The following HDLBP variants were observed in gnomAD, a reference collection of about 807,000 sequenced individuals.
The protein encoded by HDLBP is vigilin.
In HDLBP, 30 loss-of-function variants were observed where a neutral mutation model predicts 137.3. That is an observed-to-expected ratio of 0.22 (90% confidence interval 0.16 to 0.30). The LOEUF (loss-of-function observed/expected upper bound fraction) is 0.30, where lower values mean the gene tolerates loss of function less well. Ranked by LOEUF, HDLBP falls within the 10% of genes least tolerant of loss-of-function variation. HDLBP has a pLI of 1.00. For synonymous variants in HDLBP, 606 were observed against 596.0 expected (o/e 1.02, Z -0.24); for missense variants, 1,119 against 1,667.3 (o/e 0.67, Z 5.73).
chr2:241,279,849 A>C lies in HDLBP; in HGVS notation c.-102-11308T>G, dbSNP rs568854077. 1.2e-5 allele frequency: 11 copies of C among 948,566 alleles called. No homozygotes were observed. The South Asian group carries it at 4.9e-4, about 42-fold the overall frequency. The allele number at this position is 948,566 out of a possible 1,614,324, so 58.8% of individuals were successfully genotyped here. A position where few individuals can be genotyped will look rare whatever the true frequency, so the allele number is the denominator to read the frequency against. ...CACTGCACTGCTAGTAATAGTCAAC[A>C]AATTTTTAAGAACCTAATTGTCAGT... is the stretch of plus-strand genomic sequence containing the variant. On this transcript the variant is annotated intron_variant, in intron 1 of 27. Transcript: ENST00000310931.
chr2:241,269,705 A>G (rs2073919360), intron 1 of HDLBP: 1 of 152,214 alleles, frequency 6.6e-6, no homozygotes, highest in Non-Finnish European at 1.5e-5. Context: ...CAAGTTTTAA[A>G]GATTAAAGTA....
chr2:241,227,852 TAG>T lies in HDLBP; in HGVS notation c.*1747_*1748del, dbSNP rs1243871826. 6.6e-6 allele frequency: 1 copy of T among 151,788 alleles called. No homozygotes were observed. The highest frequency in any genetic ancestry group is 1.5e-5 in the Non-Finnish European group (1 of 67,958). The allele number at this position is 151,788 out of a possible 1,614,324, so 9.4% of individuals were successfully genotyped here. A position where few individuals can be genotyped will look rare whatever the true frequency, so the allele number is the denominator to read the frequency against. On this transcript the variant is annotated 3_prime_UTR_variant, in exon 28 of 28. Transcript: ENST00000310931. ...ACTGGCCTCCCCCGTGGAGGTGGAG[TAG>T]ACAGATCCCGGGAAAGGCAGGAAAA...
chr2:241,306,417 G>A (rs1488765272), intron 1 of HDLBP, among the ~76,000 whole-genome samples: 4 of 151,850 alleles, frequency 2.6e-5, no homozygotes, highest in Admixed American at 1.3e-4. Context: ...GAGCCACCAC[G>A]CCCGGCTAGT....
Position 241,262,782 on chromosome 2 carries a change from T to G in HDLBP, c.379A>C (p.Ile127Leu). 6.2e-7 allele frequency: 1 copy of G among 1,614,200 alleles called. No homozygotes were observed. The highest frequency in any genetic ancestry group is 8.5e-7 in the Non-Finnish European group (1 of 1,180,032). Reference protein sequence around the residue: ...LSLAKDQGLSIMVSGKLDAVM... With the variant: ...LSLAKDQGLSLMVSGKLDAVM... ...GCATCCAGCTTTCCTGACACCATGA[T>G]GGAGAGGCCTTGGTCTTTGGCCAAA... Residue 127 changes from isoleucine to leucine, a missense_variant, in exon 5 of 28, where the codon ATC (isoleucine) becomes CTC (leucine). Transcript: ENST00000310931.
chr2:241,308,372 A>C (rs2075649190), intron 1 of HDLBP, among the ~76,000 whole-genome samples: 1 of 152,236 alleles, frequency 6.6e-6, no homozygotes, highest in African/African-American at 2.4e-5. Context: ...GTGAAACTCA[A>C]GTTGTATGCC....
chr2:241,288,146 G>A (rs1316641000), intron 1 of HDLBP, among the ~76,000 whole-genome samples: 1 of 152,190 alleles, frequency 6.6e-6, no homozygotes, highest in Admixed American at 6.5e-5. Flanking sequence ...AGTATCACCA[G>A]GTACTACAAA....
intron 1 of HDLBP, among the ~76,000 whole-genome samples, chr2:241,305,838 CAA>C (rs1575057957): frequency 1.3e-5 from 2 of 150,592 alleles, no homozygotes; most frequent in Admixed American, 1.3e-4. Context: ...CGGCTCACTG[CAA>C]AGTTCCGCCT....
rs998870383 is a variant in HDLBP at position 241,248,539 on chromosome 2, C to G, written c.1513-191G>C. ...GTGTGCACAGCGCATAATGAGTGCT[C>G]TCACCAAGCATCGCTACACTCCGCA... On this transcript the variant is annotated intron_variant, in intron 12 of 27. Transcript: ENST00000310931. Among the ~76,000 whole-genome samples the G allele has an allele frequency of 3.9e-5, 6 of 152,116 alleles. No homozygotes were observed. In the South Asian group the frequency reaches 1.2e-3, roughly 31 times the overall value.
At chr2:241,263,583 G>A (rs548081727) in intron 4 of HDLBP, among the ~76,000 whole-genome samples, 1 of 152,214 alleles carries the variant, frequency 6.6e-6, no homozygotes, top group Admixed American at 6.5e-5. Flanking sequence ...ATAGCAGACA[G>A]GTGAAAATGG....
At chr2:241,275,929 T>G (rs1019960883) in intron 1 of HDLBP, among the ~76,000 whole-genome samples, 2 of 151,870 alleles carry the variant, frequency 1.3e-5, no homozygotes, top group African/African-American at 2.4e-5. Context: ...AGCAAGAAAA[T>G]GAAAGCCAGA....
intron 1 of HDLBP, among the ~76,000 whole-genome samples, chr2:241,305,536 T>A (rs994623291): frequency 6.6e-6 from 1 of 152,162 alleles, no homozygotes; most frequent in African/African-American, 2.4e-5. Context: ...TGCTGACATT[T>A]TGAGTCGAAT....
At chr2:241,249,737 G>T (rs962745654) in intron 12 of HDLBP, 104 bp downstream of exon 12, 1 of 1,167,302 alleles carries the variant, frequency 8.6e-7, no homozygotes, top group Non-Finnish European at 1.2e-6. Flanking sequence ...GGGATTTGTC[G>T]ACTTCCATTC....
intron 12 of HDLBP, chr2:241,249,474 T>C (rs2071945551): frequency 2.0e-6 from 1 of 490,894 alleles, no homozygotes; most frequent in Non-Finnish European, 4.1e-6. Context: ...AGGTTTGCAG[T>C]GATCCTCGAG....
intron 9 of HDLBP, among the ~76,000 whole-genome samples, chr2:241,254,573 C>T (rs1487149471): frequency 6.6e-6 from 1 of 151,924 alleles, no homozygotes; most frequent in Non-Finnish European, 1.5e-5. Flanking sequence ...CAAGCTCCAC[C>T]TCCCGGGTTC....
intron 5 of HDLBP, among the ~76,000 whole-genome samples, chr2:241,260,285 C>T (rs1433712782): frequency 3.3e-5 from 5 of 152,166 alleles, no homozygotes; most frequent in African/African-American, 9.7e-5. Flanking sequence ...GGATTATAGG[C>T]GTGAGCCACT....
Position 241,264,461 on chromosome 2 carries a change from G to A in HDLBP, c.221C>T (p.Ser74Phe). ...WGNKIRPIKA[S>F]VITQVFHVPL... ...TGGTGTTTCTACCTGAGTGATGACA[G>A]AAGCCTTGATGGGTCGGATCTTGTT... is the stretch of plus-strand genomic sequence containing the variant. The change falls in exon 4 of 28, where the codon TCT becomes TTT. Residue 74 changes from serine to phenylalanine, a missense_variant. Around this residue, in one of 4 missense-constraint regions of HDLBP, gnomAD observed 59 missense variants for 92.4 expected, o/e 0.64. Transcript: ENST00000310931. 1 of 1,611,560 alleles carries A rather than the reference G, an allele frequency of 6.2e-7. No individual in the cohort carries two copies.
In HDLBP at chr2:241,229,952, C is replaced by T. The variant is rs766531306; in HGVS notation, c.3601G>A (p.Val1201Met). Residue 1201 changes from valine (V) to methionine (M), a missense_variant, in exon 27 of 28, where the codon GTG becomes ATG. This residue lies in a region of HDLBP where 618 missense variants were observed against 816.7 expected (regional missense o/e 0.76). Transcript: ENST00000310931. ...ACCTGCAGCGCCTCACTGTCCACCA[C>T]GTCAGCTAGCTGCAGGCAGAAGACA... Reference protein sequence around the residue: ...LNLEEEYLADVVDSEALQVYM... With the variant: ...LNLEEEYLADMVDSEALQVYM... 31 of 1,598,968 alleles carry T rather than the reference C, an allele frequency of 1.9e-5. No homozygotes were observed. The highest frequency in any genetic ancestry group is 2.7e-5 in the African/African-American group (2 of 74,658).
intron 1 of HDLBP, chr2:241,270,903 G>A (rs1057432305): frequency 1.2e-6 from 1 of 867,918 alleles, no homozygotes; most frequent in East Asian, 1.2e-4. Context: ...ATTCTCACTG[G>A]ATCTAACAGT....
At chr2:241,296,531 T>C (rs535947229) in intron 1 of HDLBP, among the ~76,000 whole-genome samples, 2 of 152,316 alleles carry the variant, frequency 1.3e-5, no homozygotes, top group Admixed American at 6.5e-5. Flanking sequence ...AGAACACTAA[T>C]ATAGAAGTCA....
Sources: allele counts gnomAD v4.1 joint callset (sites outside exome capture counted in the v4.1 genomes callset), GRCh38; gene constraint gnomAD v4.1.1; regional missense constraint gnomAD v4.1.1; transcripts MANE v1.5; gene names NCBI Gene and HGNC (gene_info 2026-07-23, HGNC 2026-07-21).